STK26: variants seen among roughly 807,000 people sequenced by gnomAD.
STK26 encodes the protein serine/threonine kinase 26.
In STK26, 14 loss-of-function variants were observed where a neutral mutation model predicts 34.7. The observed-to-expected ratio is 0.40, with a 90% confidence interval of 0.27 to 0.63. The LOEUF is 0.63. Ranked by LOEUF, STK26 falls within the 30% of genes least tolerant of loss-of-function variation. The pLI is 0.38. For missense variants in STK26, 226 were observed against 309.1 expected (o/e 0.73, Z 2.02); for synonymous variants, 100 against 109.8 (o/e 0.91, Z 0.56).
chrX:132,074,054 C>A, intron 11 of STK26, 81 bp from the exon 12 acceptor site: 1 of 876,024 alleles, frequency 1.1e-6, no homozygotes, highest in Non-Finnish European at 1.6e-6. Context: ...GAATCAGTTT[C>A]TTCATTGCAG....
intron 2 of STK26, among the ~76,000 whole-genome samples, chrX:132,029,699 A>G (rs759056650): frequency 9.0e-6 from 1 of 111,070 alleles, no homozygotes; most frequent in African/African-American, 3.3e-5. Flanking sequence ...ACAGTTCAAT[A>G]ACCAGTGATT....
chrX:132,027,221 T>C (rs1883844247), intron 2 of STK26, among the ~76,000 whole-genome samples: 1 of 111,864 alleles, frequency 8.9e-6, no homozygotes, highest in African/African-American at 3.3e-5. Context: ...GTAGACAGAC[T>C]AGGATTTTTT....
rs777767640 is a variant in STK26, at chrX:132,055,387, A to G, written c.273+526A>G. ...CTTAAGCATGTGGTAAATATTTGTT[A>G]AAATGGAATTAAGTGGAATAACATC... On this transcript the variant is annotated intron_variant, in intron 3 of 11. Coordinates refer to ENST00000394334, the MANE Select transcript of STK26 (RefSeq NM_016542.4). The G allele has an allele frequency of 1.0e-4, 97 of 938,459 alleles. No individual in the cohort carries two copies. In the African/African-American group the frequency reaches 1.7e-3, roughly 17 times the overall value. The allele number at this position is 938,459 out of a possible 1,213,427, so 77.3% of individuals were successfully genotyped here.
At chrX:132,036,574 G>A (rs1344298181) in intron 2 of STK26, among the ~76,000 whole-genome samples, 1 of 111,854 alleles carries the variant, frequency 8.9e-6, no homozygotes, top group African/African-American at 3.3e-5. Flanking sequence ...CAGTCTGGGC[G>A]ACAGGGTGAG....
rs148760250 is a variant in STK26, at chrX:132,069,508, A to G, written c.628A>G (p.Ile210Val). ...CATTTGGTCATTGGGAATTACTGCT[A>G]TTGAACTAGCCAAGGGAGAGCCACC... ...ADIWSLGITA[I>V]ELAKGEPPNS... The change falls in exon 7 of 12, where the codon ATT (isoleucine) becomes GTT (valine). Residue 210 changes from isoleucine to valine, a missense_variant. Ile to Val is a conservative substitution (Grantham distance 29, BLOSUM62 3). This residue lies in a region of STK26 where 100 missense variants were observed against 176.7 expected (regional missense o/e 0.57). Coordinates refer to ENST00000394334, the MANE Select transcript of STK26 (RefSeq NM_016542.4). The G allele has an allele frequency of 9.2e-7, 1 of 1,087,897 alleles. No individual in the cohort carries two copies. Among genetic ancestry groups the G allele is most frequent in the African/African-American group, 1.9e-5 (1 of 51,539 alleles). The allele number at this position is 1,087,897 out of a possible 1,213,427, so 89.7% of individuals were successfully genotyped here. A position where few individuals can be genotyped will look rare whatever the true frequency, so the allele number is the denominator to read the frequency against.
At chrX:132,072,074 T>C (rs1413762303) in intron 8 of STK26, among the ~76,000 whole-genome samples, 194 bp from the exon 9 acceptor site, 2 of 111,131 alleles carry the variant, frequency 1.8e-5, no homozygotes, top group Non-Finnish European at 3.8e-5. Context: ...ACACACAGAG[T>C]TGAGAACCAC....
Position 132,027,277 on chromosome X carries a change from A to G in STK26, c.42+3618A>G, listed in dbSNP as rs756885013. 7.3e-4 allele frequency among the ~76,000 whole-genome samples: 82 copies of G among 111,891 alleles called. 1 individual carries two copies. Among genetic ancestry groups the G allele is most frequent in the Non-Finnish European group, 6.8e-4 (36 of 53,168 alleles). On this transcript the variant is annotated intron_variant, in intron 2 of 11. Coordinates refer to ENST00000394334, the MANE Select transcript of STK26 (RefSeq NM_016542.4). ...ACAACCATTCTGTTTTTCGCTTTCC[A>G]TACAGTATTCAGTAAATAACATGAG...
At chrX:132,046,742 A>G (rs1253816516) in intron 2 of STK26, among the ~76,000 whole-genome samples, 1 of 111,365 alleles carries the variant, frequency 9.0e-6, no homozygotes, top group African/African-American at 3.3e-5. Flanking sequence ...TAGGTGGGTA[A>G]AGATAAGGAG....
chrX:132,074,238 C>A lies in STK26; in HGVS notation c.*79C>A. 1.0e-6 allele frequency: 1 copy of A among 962,055 alleles called. No individual in the cohort carries two copies. The highest frequency in any genetic ancestry group is 1.4e-6 in the Non-Finnish European group (1 of 696,426). The allele number at this position is 962,055 out of a possible 1,213,427, so 79.3% of individuals were successfully genotyped here. A position where few individuals can be genotyped will look rare whatever the true frequency, so the allele number is the denominator to read the frequency against. ...TACGTCAAGATTAACAATGCTTAACCCATGAGCTCCATGTGCCTTTTGGAT... is the reference window on the plus strand; with the variant it reads ...TACGTCAAGATTAACAATGCTTAACACATGAGCTCCATGTGCCTTTTGGAT... On this transcript the variant is annotated 3_prime_UTR_variant, in exon 12 of 12. Transcript: ENST00000394334.
At chrX:132,028,031 G>GGTT (rs1556009261) in intron 2 of STK26, among the ~76,000 whole-genome samples, 4 of 78,352 alleles carry the variant, frequency 5.1e-5, no homozygotes, top group Non-Finnish European at 9.5e-5. Context: ...AATTTTTATG[G>GGTT]TTTTTTTTTT....
chrX:132,038,463 G>A (rs890840832), intron 2 of STK26, among the ~76,000 whole-genome samples: 1 of 111,762 alleles, frequency 8.9e-6, no homozygotes, highest in Non-Finnish European at 1.9e-5. Context: ...AACATAACGG[G>A]AATGGTGATT....
Position 132,068,537 on chromosome X carries a change from G to A in STK26, c.565G>A (p.Glu189Lys). The stretch of plus-strand genomic sequence containing the variant: ...GGGAACTCCATTTTGGATGGCTCCT[G>A]AAGTTATTCAACAGTCAGCTTATGA... Reference protein sequence around the residue: ...FVGTPFWMAPEVIQQSAYDSK... With the variant: ...FVGTPFWMAPKVIQQSAYDSK... The change falls in exon 6 of 12, where the codon GAA (glutamate) becomes AAA (lysine). Residue 189 changes from glutamate (E) to lysine (K), a missense_variant. Transcript: ENST00000394334. The A allele has an allele frequency of 8.3e-7, 1 of 1,210,433 alleles. No individual in the cohort carries two copies. Among genetic ancestry groups the A allele is most frequent in the Non-Finnish European group, 1.1e-6 (1 of 894,960 alleles).
chrX:132,074,174 G>C lies in STK26; in HGVS notation c.*15G>C. 1 of 1,201,751 alleles carries C rather than the reference G, an allele frequency of 8.3e-7. No individual in the cohort carries two copies. Among genetic ancestry groups the C allele is most frequent in the Non-Finnish European group, 1.1e-6 (1 of 889,805 alleles). ...AATCCCCCTAAGAAACTTATTATTG[G>C]CTTCTGTTTCATATGGACCCAGAGA... is the stretch of plus-strand genomic sequence containing the variant. On this transcript the variant is annotated 3_prime_UTR_variant, in exon 12 of 12. Coordinates refer to ENST00000394334, the MANE Select transcript of STK26 (RefSeq NM_016542.4).
At chrX:132,038,093 CATA>C (rs1313318792) in intron 2 of STK26, among the ~76,000 whole-genome samples, 1 of 110,536 alleles carries the variant, frequency 9.0e-6, no homozygotes, top group Non-Finnish European at 1.9e-5. Flanking sequence ...GGTAGAATTT[CATA>C]ATAACAGAGG....
At chrX:132,056,320 G>GT (rs1274420265) in intron 3 of STK26, among the ~76,000 whole-genome samples, 1 of 112,076 alleles carries the variant, frequency 8.9e-6, no homozygotes, top group Non-Finnish European at 1.9e-5. Flanking sequence ...TTCTTCCTCT[G>GT]TAGGACAGTG....
chrX:132,032,572 T>A (rs1925883221), intron 2 of STK26, among the ~76,000 whole-genome samples: 1 of 111,639 alleles, frequency 9.0e-6, no homozygotes, highest in Non-Finnish European at 1.9e-5. Flanking sequence ...TATTACCTCT[T>A]AAAGAAAAAG....
intron 3 of STK26, chrX:132,055,314 C>A: frequency 1.8e-6 from 1 of 542,731 alleles, no homozygotes; most frequent in Non-Finnish European, 2.9e-6. Context: ...GGGAGTTTAG[C>A]TTAACCAGTC....
intron 2 of STK26, among the ~76,000 whole-genome samples, chrX:132,048,196 T>C (rs192860251): frequency 9.8e-4 from 110 of 112,064 alleles, no homozygotes; most frequent in African/African-American, 3.5e-3. Flanking sequence ...ATATACTGTA[T>C]ATTTCAAAAC....
intron 2 of STK26, among the ~76,000 whole-genome samples, chrX:132,035,875 A>ACT (rs1394108082): frequency 1.1e-5 from 1 of 95,196 alleles, no homozygotes; most frequent in African/African-American, 3.9e-5. Context: ...ACACACACAC[A>ACT]CTCATTCACA....
Sources: allele counts gnomAD v4.1 joint callset (sites outside exome capture counted in the v4.1 genomes callset), GRCh38; gene constraint gnomAD v4.1.1; regional missense constraint gnomAD v4.1.1; transcripts MANE v1.5; gene names NCBI Gene and HGNC (gene_info 2026-07-23, HGNC 2026-07-21).